The following PTPRO variants were observed in gnomAD, a reference collection of about 807,000 sequenced individuals.
The protein encoded by PTPRO is protein tyrosine phosphatase receptor type O.
PTPRO carries 62 observed loss-of-function variants against 145.2 expected under a neutral mutation model. The observed-to-expected ratio is 0.43, with a 90% CI of 0.35 to 0.53. The LOEUF (loss-of-function observed/expected upper bound fraction) is 0.53. PTPRO is among the 20% of genes least tolerant of loss of function. PTPRO has a pLI of 0.01. For missense variants in PTPRO, 1,345 were observed against 1,482.7 expected, an observed-to-expected ratio of 0.91 and a Z score of 1.53; for synonymous variants, 565 against 514.7, an observed-to-expected ratio of 1.10 and a Z score of -1.32.
chr12:15,348,265 T>C (rs1591725625), intron 1 of PTPRO: 2 of 152,274 alleles, frequency 1.3e-5, no homozygotes, highest in South Asian at 4.1e-4. Context: ...AGACTCACCC[T>C]ACCATTGCTG....
chr12:15,551,761 T>G (rs1943467449), intron 15 of PTPRO, 90 bp downstream of exon 15: 1 of 1,401,670 alleles, frequency 7.1e-7, no homozygotes, highest in Non-Finnish European at 9.9e-7. Context: ...CTAAGTTGTA[T>G]AGCGGTATAT....
At chr12:15,482,100 T>A (rs903353196) in intron 1 of PTPRO, among the ~76,000 whole-genome samples, 16 of 151,796 alleles carry the variant, frequency 1.1e-4, no homozygotes, top group African/African-American at 3.9e-4. Context: ...AGATACAGAA[T>A]CAACTTAAGT....
In PTPRO at chr12:15,497,429, C is replaced by T. The variant is rs549256983; in HGVS notation, c.508+26C>T. ...GTAAGCAGCAAAAGGAAAGCTGAATCAATGATGACCCTCACTTTTTACAAA... is the reference window on the plus strand; with the variant it reads ...GTAAGCAGCAAAAGGAAAGCTGAATTAATGATGACCCTCACTTTTTACAAA... On this transcript the variant is annotated intron_variant, in intron 3 of 26. Coordinates refer to ENST00000281171, the MANE Select transcript of PTPRO (RefSeq NM_030667.3). 1.9e-6 allele frequency: 3 copies of T among 1,606,864 alleles called. No individual in the cohort carries two copies. The African/African-American group carries it at 4.0e-5, about 21-fold the overall frequency.
intron 1 of PTPRO, among the ~76,000 whole-genome samples, chr12:15,424,113 C>T (rs867895331): frequency 1.3e-5 from 2 of 152,160 alleles, no homozygotes; most frequent in Admixed American, 6.5e-5. Flanking sequence ...ACTGAATATT[C>T]TCAAATAAAT....
At chr12:15,444,824 T>C (rs1344466752) in intron 1 of PTPRO, among the ~76,000 whole-genome samples, 1 of 152,134 alleles carries the variant, frequency 6.6e-6, no homozygotes, top group Admixed American at 6.5e-5. Context: ...CTGTTGTTTA[T>C]AAGCTATCTA....
At chr12:15,487,678 GA>G (rs1472962531) in intron 2 of PTPRO, among the ~76,000 whole-genome samples, 12 of 152,138 alleles carry the variant, frequency 7.9e-5, no homozygotes, top group Non-Finnish European at 1.3e-4. Flanking sequence ...GAAAGCTAGA[GA>G]GAGACAGTAG....
chr12:15,572,965 T>C (rs1944092931), intron 19 of PTPRO, among the ~76,000 whole-genome samples: 1 of 152,216 alleles, frequency 6.6e-6, no homozygotes, highest in Non-Finnish European at 1.5e-5. Flanking sequence ...AGAATTGTCC[T>C]AGGCCGAAAG....
intron 7 of PTPRO, among the ~76,000 whole-genome samples, chr12:15,513,707 T>A (rs935565506): frequency 1.3e-5 from 2 of 152,190 alleles, no homozygotes; most frequent in Admixed American, 1.3e-4. Context: ...CATTGATTCA[T>A]GTTCCTCCTT....
At chr12:15,335,596 G>A (rs1866736687) in intron 1 of PTPRO, among the ~76,000 whole-genome samples, 1 of 152,096 alleles carries the variant, frequency 6.6e-6, no homozygotes, top group South Asian at 2.1e-4. Context: ...TATGGAAATT[G>A]TGGTATTGAC....
intron 1 of PTPRO, among the ~76,000 whole-genome samples, chr12:15,365,419 T>C (rs1226479662): frequency 6.6e-6 from 1 of 152,152 alleles, no homozygotes; most frequent in East Asian, 1.9e-4. Context: ...TGTTTATATA[T>C]ATATATATCT....
chr12:15,341,805 C>T (rs1229308410), intron 1 of PTPRO, among the ~76,000 whole-genome samples: 2 of 152,124 alleles, frequency 1.3e-5, no homozygotes, highest in Non-Finnish European at 2.9e-5. Context: ...ACAAAAAGGT[C>T]GTAGCATTGT....
intron 14 of PTPRO, 59 bp from the exon 15 acceptor site, chr12:15,551,492 G>T (rs1217024957): frequency 6.3e-7 from 1 of 1,596,142 alleles, no homozygotes; most frequent in Non-Finnish European, 8.5e-7. Flanking sequence ...GCAATGAATG[G>T]TTCTGTTTGG....
chr12:15,433,010 G>GTT (rs1940488300), intron 1 of PTPRO, among the ~76,000 whole-genome samples: 1 of 151,680 alleles, frequency 6.6e-6, no homozygotes, highest in Admixed American at 6.6e-5. Flanking sequence ...TGTTGTTATT[G>GTT]TTTTTGCTGT....
intron 14 of PTPRO, 87 bp downstream of exon 14, chr12:15,549,313 TC>T: frequency 8.9e-7 from 1 of 1,125,070 alleles, no homozygotes; most frequent in Non-Finnish European, 1.2e-6. Context: ...CACCAAGAAA[TC>T]CCAAGCTTCG....
chr12:15,341,385 G>T (rs1262734846), intron 1 of PTPRO, among the ~76,000 whole-genome samples: 2 of 152,028 alleles, frequency 1.3e-5, no homozygotes, highest in Non-Finnish European at 2.9e-5. Context: ...AGTTAAGCAG[G>T]CTATGTCATA....
At chr12:15,526,706 A>G (rs1942846842) in intron 12 of PTPRO, among the ~76,000 whole-genome samples, 1 of 152,120 alleles carries the variant, frequency 6.6e-6, no homozygotes. Flanking sequence ...AAATCAAGAC[A>G]AAAAGAAACT....
chr12:15,551,970 A>G (rs1943473229), intron 15 of PTPRO, among the ~76,000 whole-genome samples: 1 of 148,872 alleles, frequency 6.7e-6, no homozygotes, highest in Admixed American at 6.9e-5. Flanking sequence ...ACTTTCATAC[A>G]CATTTGGAAT....
chr12:15,386,016 C>T (rs1939016738), intron 1 of PTPRO, among the ~76,000 whole-genome samples: 2 of 151,942 alleles, frequency 1.3e-5, no homozygotes, highest in African/African-American at 4.8e-5. Context: ...AGAAATCACA[C>T]TAACAGTAGA....
At chr12:15,534,550 C>T (rs1943028753) in intron 12 of PTPRO, among the ~76,000 whole-genome samples, 1 of 152,036 alleles carries the variant, frequency 6.6e-6, no homozygotes, top group Non-Finnish European at 1.5e-5. Flanking sequence ...TGCTCTACAA[C>T]AGGGAAATGT....
Sources: allele counts gnomAD v4.1 joint callset (sites outside exome capture counted in the v4.1 genomes callset), GRCh38; gene constraint gnomAD v4.1.1; transcripts MANE v1.5; gene names NCBI Gene and HGNC (gene_info 2026-07-23, HGNC 2026-07-21).